Variants in RNF149 observed in about 807,000 individuals in gnomAD.
The protein encoded by RNF149 is E3 ubiquitin-protein ligase RNF149.
A neutral mutation model predicts 39.0 loss-of-function variants in RNF149; 21 were observed. The observed-to-expected ratio is 0.54, with a 90% CI of 0.38 to 0.77. The LOEUF (loss-of-function observed/expected upper bound fraction) is 0.77, where lower values mean the gene tolerates loss of function less well. Among genes scored for constraint, RNF149 ranks in the 30% least tolerant of loss-of-function variants. The probability of loss-of-function intolerance (pLI) is 0.00; values close to 1 mark genes in which losing one functional copy is unlikely to be tolerated. For synonymous variants in RNF149, 209 were observed against 213.6 expected, an observed-to-expected ratio of 0.98 and a Z score of 0.19; for missense variants, 493 against 534.9, an observed-to-expected ratio of 0.92 and a Z score of 0.77.
Position 101,276,033 on chromosome 2 carries a change from A to G in RNF149, c.*1205T>C, listed in dbSNP as rs147186118. ...ATTAAGTAGCTTGAGAAAATAATCTATATAAATCTTTATATCCTACATATG... is the reference window on the plus strand; with the variant it reads ...ATTAAGTAGCTTGAGAAAATAATCTGTATAAATCTTTATATCCTACATATG... On this transcript the variant is annotated 3_prime_UTR_variant, in exon 7 of 7. Coordinates refer to ENST00000295317, the MANE Select transcript of RNF149 (RefSeq NM_173647.4). 1,272 of 875,056 alleles carry G rather than the reference A, an allele frequency of 1.5e-3. 8 individuals are homozygous for G. The African/African-American group carries it at 0.022, about 15-fold the overall frequency. 54.2% of individuals were successfully genotyped at this position (875,056 alleles called of 1,614,324 possible). A position where few individuals can be genotyped will look rare whatever the true frequency, so the allele number is the denominator to read the frequency against.
Position 101,288,989 on chromosome 2 carries a change from TAATAATATCCTTTACTTTGAAATTTTC to T in RNF149, c.820_846del (p.Glu274_Ile282del). ...AGAACATACTTGCATGGCAGAATTC[TAATAATATCCTTTACTTTGAAATTTTC>T]AATACACACTGCACAATTTTCAGCA... On this transcript the variant is annotated inframe_deletion, in exon 4 of 7. Coordinates refer to ENST00000295317, the MANE Select transcript of RNF149 (RefSeq NM_173647.4). 3 of 1,557,776 alleles carry T rather than the reference TAATAATATCCTTTACTTTGAAATTTTC, an allele frequency of 1.9e-6. No homozygotes were observed. Among genetic ancestry groups the T allele is most frequent in the Non-Finnish European group, 2.7e-6 (3 of 1,130,920 alleles).
In RNF149 at chr2:101,294,012, A is replaced by G. The variant is rs773858321; in HGVS notation, c.780+2T>C. 1.3e-6 allele frequency: 2 copies of G among 1,534,288 alleles called. No individual in the cohort carries two copies. The highest frequency in any genetic ancestry group is 2.7e-5 in the African/African-American group (2 of 72,790). The stretch of plus-strand genomic sequence containing the variant: ...ACAAAAGAAAAACCATGAAAATATT[A>G]CCTTTTCTCCATGCTTTACAGTATG... On this transcript the variant is annotated splice_donor_variant, in intron 3 of 6. Transcript: ENST00000295317. LOFTEE classifies it high-confidence loss of function.
At chr2:101,289,188 A>G (rs1384472888) in intron 3 of RNF149, 133 bp from the exon 4 acceptor site, 6 of 599,370 alleles carry the variant, frequency 1.0e-5, no homozygotes, top group African/African-American at 9.5e-5. Context: ...TAAAACACAA[A>G]TAACTGTACT....
chr2:101,308,074 C>A, intron 1 of RNF149, 55 bp downstream of exon 1: 1 of 1,580,208 alleles, frequency 6.3e-7, no homozygotes. Flanking sequence ...CCTGAAGACC[C>A]CAGCCTCGGC....
At chr2:101,300,171 A>C (rs1280052076) in intron 1 of RNF149, among the ~76,000 whole-genome samples, 1 of 152,186 alleles carries the variant, frequency 6.6e-6, no homozygotes. Context: ...GCCACATCTC[A>C]AAGGAGACAA....
intron 3 of RNF149, among the ~76,000 whole-genome samples, chr2:101,291,177 A>G (rs1682994239): frequency 6.6e-6 from 1 of 151,656 alleles, no homozygotes; most frequent in East Asian, 1.9e-4. Flanking sequence ...TTTGAGACGG[A>G]GTCTCGCTCT....
At chr2:101,287,827 A>T (rs1682853612) in intron 4 of RNF149, among the ~76,000 whole-genome samples, 1 of 152,234 alleles carries the variant, frequency 6.6e-6, no homozygotes, top group Non-Finnish European at 1.5e-5. Context: ...TTGGATATAT[A>T]CTAACGTACT....
In RNF149 at chr2:101,277,257, T is replaced by C. The variant is rs745576479; in HGVS notation, c.1184A>G (p.His395Arg). 2.5e-6 allele frequency: 4 copies of C among 1,613,492 alleles called. No individual in the cohort carries two copies. The East Asian group carries it at 8.9e-5, about 36-fold the overall frequency. ...LLEAGRSDSR[H>R]GGPIS ...CGTGTGCTAGGAGATGGGTCCTCCA[T>C]GCCGAGAGTCACTCCTGCCGGCTTC... is the stretch of plus-strand genomic sequence containing the variant. The change falls in exon 7 of 7, where the codon CAT becomes CGT. Residue 395 changes from histidine to arginine, a missense_variant. Physicochemically the swap from His to Arg is conservative, Grantham distance 29. Coordinates refer to ENST00000295317, the MANE Select transcript of RNF149 (RefSeq NM_173647.4).
chr2:101,272,598 C>A (rs2104375368), downstream of RNF149, among the ~76,000 whole-genome samples: 1 of 152,312 alleles, frequency 6.6e-6, no homozygotes, highest in Non-Finnish European at 1.5e-5. Context: ...GAGTCAACAT[C>A]CTGTGCTTTA....
intron 1 of RNF149, among the ~76,000 whole-genome samples, chr2:101,299,145 G>A (rs1432510919): frequency 6.6e-6 from 1 of 152,210 alleles, no homozygotes. Flanking sequence ...GACAGGGCGA[G>A]ACTCTGTCTC....
intron 3 of RNF149, 48 bp from the exon 4 acceptor site, chr2:101,289,103 A>G: frequency 1.9e-6 from 2 of 1,080,174 alleles, no homozygotes; most frequent in Non-Finnish European, 2.8e-6. Flanking sequence ...TACACAGTAT[A>G]TCCCTTGGTA....
rs1170683877 is a variant in RNF149 at position 101,308,698 on chromosome 2, G to A, written c.-110C>T. 3.7e-5 allele frequency: 38 copies of A among 1,038,058 alleles called. No homozygotes were observed. The highest frequency in any genetic ancestry group is 4.5e-5 in the Non-Finnish European group (34 of 756,912). 64.3% of individuals were successfully genotyped at this position (1,038,058 alleles called of 1,614,324 possible). A position where few individuals can be genotyped will look rare whatever the true frequency, so the allele number is the denominator to read the frequency against. Reference sequence around the variant, plus strand: ...CCGCCGCCCTGGAAGACTGAGGCGGGGTCGGGGCCGCTGCGCACGCGCACC... The same window carrying A: ...CCGCCGCCCTGGAAGACTGAGGCGGAGTCGGGGCCGCTGCGCACGCGCACC... On this transcript the variant is annotated 5_prime_UTR_variant, in exon 1 of 7. Transcript: ENST00000295317.
rs1682352038 is a variant in RNF149, at chr2:101,276,576, T to A, written c.*662A>T. 1.2e-5 allele frequency: 12 copies of A among 983,390 alleles called. No individual in the cohort carries two copies. The highest frequency in any genetic ancestry group is 1.8e-5 in the African/African-American group (1 of 55,186). 60.9% of individuals were successfully genotyped at this position (983,390 alleles called of 1,614,324 possible). On this transcript the variant is annotated 3_prime_UTR_variant, in exon 7 of 7. Coordinates refer to ENST00000295317, the MANE Select transcript of RNF149 (RefSeq NM_173647.4). Reference sequence around the variant, plus strand: ...TTAGCTTTTTATTTGTAGGAAAAAATAAACAGATTTCCCTCCCCAACAAGG... The same window carrying A: ...TTAGCTTTTTATTTGTAGGAAAAAAAAAACAGATTTCCCTCCCCAACAAGG...
At chr2:101,287,129 C>A (rs1210490212) in intron 4 of RNF149, among the ~76,000 whole-genome samples, 1 of 151,564 alleles carries the variant, frequency 6.6e-6, no homozygotes, top group East Asian at 2.0e-4. Flanking sequence ...CGAGACCAGC[C>A]TAGCCAACAT....
intron 1 of RNF149, among the ~76,000 whole-genome samples, chr2:101,297,167 C>T (rs1406207717): frequency 3.9e-5 from 6 of 151,940 alleles, no homozygotes; most frequent in Non-Finnish European, 8.8e-5. Context: ...CAAGATTGCG[C>T]CACTGCACTC....
intron 3 of RNF149, among the ~76,000 whole-genome samples, chr2:101,291,738 G>A (rs1163827677): frequency 6.6e-6 from 1 of 152,160 alleles, no homozygotes; most frequent in Non-Finnish European, 1.5e-5. Context: ...ATAATGGTTT[G>A]CAAGTTTATA....
rs148508354 is a variant in RNF149, at chr2:101,277,064, A to G, written c.*174T>C. 5.0e-3 allele frequency: 6,923 copies of G among 1,381,706 alleles called. 15 individuals are homozygous for G. The highest frequency in any genetic ancestry group is 6.1e-3 in the Non-Finnish European group (6,378 of 1,053,788). The allele number at this position is 1,381,706 out of a possible 1,614,324, so 85.6% of individuals were successfully genotyped here. On this transcript the variant is annotated 3_prime_UTR_variant, in exon 7 of 7. Coordinates refer to ENST00000295317, the MANE Select transcript of RNF149 (RefSeq NM_173647.4). ...AGATAAATATATGAGGACTAATCGA[A>G]AAGTCTCTTCAAGAAGAAAATATCT...
rs531782975 is a variant in RNF149, at chr2:101,308,597, C to T, written c.-9G>A. On this transcript the variant is annotated 5_prime_UTR_variant, in exon 1 of 7. Transcript: ENST00000295317. ...CGCCGCCGCCACGCCATGGCAGCAC[C>T]GCTGAGCTGACTAGGGGGAGTCAGG... 1.2e-3 allele frequency: 1,848 copies of T among 1,532,498 alleles called. 9 individuals carry two copies. Among genetic ancestry groups the T allele is most frequent in the Non-Finnish European group, 1.4e-3 (1,606 of 1,148,000 alleles). The allele number at this position is 1,532,498 out of a possible 1,614,324, so 94.9% of individuals were successfully genotyped here. A position where few individuals can be genotyped will look rare whatever the true frequency, so the allele number is the denominator to read the frequency against.
At chr2:101,277,596 C>A (rs1682396340) in intron 6 of RNF149, among the ~76,000 whole-genome samples, 1 of 152,112 alleles carries the variant, frequency 6.6e-6, no homozygotes, top group Non-Finnish European at 1.5e-5. Flanking sequence ...ACCATGTTGG[C>A]CAGGCTAGTC....
Sources: allele counts gnomAD v4.1 joint callset (sites outside exome capture counted in the v4.1 genomes callset), GRCh38; gene constraint gnomAD v4.1.1; transcripts MANE v1.5; gene names NCBI Gene and HGNC (gene_info 2026-07-23, HGNC 2026-07-21).